Variants in SMARCA5 observed in about 807,000 individuals in gnomAD.
The protein encoded by SMARCA5 is SWI/SNF-related matrix-associated actin-dependent regulator of chromatin subfamily A member 5.
SMARCA5 carries 18 observed loss-of-function variants against 140.4 expected under a neutral mutation model. The ratio of observed to expected loss-of-function variants is 0.13; its 90% confidence interval spans 0.09 to 0.19. The LOEUF is 0.19. Ranked by LOEUF, SMARCA5 falls within the 10% of genes least tolerant of loss-of-function variation. The pLI is 1.00. For synonymous variants in SMARCA5, 449 were observed against 419.6 expected (o/e 1.07, Z -0.86); for missense variants, 606 against 1,276.8 (o/e 0.47, Z 8.01).
chr4:143,545,620 C>A, intron 18 of SMARCA5, 37 bp downstream of exon 18: 1 of 1,228,478 alleles, frequency 8.1e-7, no homozygotes, highest in Non-Finnish European at 1.2e-6. Context: ...TCATTCCTAT[C>A]CAGAAATTAT....
Position 143,536,610 on chromosome 4 carries a change from T to A in SMARCA5, c.1427T>A (p.Met476Lys), listed in dbSNP as rs751958306. Reference sequence around the variant, plus strand: ...CCTGGTCCACCTTATACAACAGATATGCATCTAGTAACCAACAGTGGCAAA... The same window carrying A: ...CCTGGTCCACCTTATACAACAGATAAGCATCTAGTAACCAACAGTGGCAAA... ...AEPGPPYTTD[M>K]HLVTNSGKMV... Residue 476 changes from methionine to lysine, a missense_variant, in exon 11 of 24, where the codon ATG becomes AAG. Coordinates refer to ENST00000283131, the MANE Select transcript of SMARCA5 (RefSeq NM_003601.4). 1.2e-6 allele frequency: 2 copies of A among 1,613,778 alleles called. No individual in the cohort carries two copies. The highest frequency in any genetic ancestry group is 1.3e-5 in the African/African-American group (1 of 74,914).
intron 9 of SMARCA5, among the ~76,000 whole-genome samples, chr4:143,532,953 G>A (rs1439858275): frequency 6.6e-6 from 1 of 152,148 alleles, no homozygotes; most frequent in African/African-American, 2.4e-5. Context: ...GCTTTTCTAC[G>A]TGGTGATGTT....
intron 10 of SMARCA5, among the ~76,000 whole-genome samples, chr4:143,535,462 A>C (rs1347780695): frequency 6.6e-6 from 1 of 152,162 alleles, no homozygotes. Context: ...AATTTTGATA[A>C]GTATTTGCAA....
chr4:143,544,246 A>G (rs879923902), intron 16 of SMARCA5: 24 of 211,514 alleles, frequency 1.1e-4, no homozygotes, highest in Middle Eastern at 1.7e-3. Context: ...TGGGATGGTA[A>G]CCTGATTCAT....
In SMARCA5 at chr4:143,513,802, G is replaced by A. The variant is rs373974403; in HGVS notation, c.-123G>A. Reference sequence around the variant, plus strand: ...TCGCGGAGGCGCGGCGCAGGGGAGCGCTCGGGTGGGAGTCTCGCTCCTCCA... The same window carrying A: ...TCGCGGAGGCGCGGCGCAGGGGAGCACTCGGGTGGGAGTCTCGCTCCTCCA... On this transcript the variant is annotated 5_prime_UTR_variant, in exon 1 of 24. Transcript: ENST00000283131. The A allele has an allele frequency of 4.2e-4, 491 of 1,168,022 alleles. 3 individuals carry two copies. Among genetic ancestry groups the A allele is most frequent in the Middle Eastern group, 3.4e-3 (12 of 3,500 alleles). The allele number at this position is 1,168,022 out of a possible 1,614,324, so 72.4% of individuals were successfully genotyped here.
chr4:143,544,619 T>C (rs936150924), intron 16 of SMARCA5, 118 bp from the exon 17 acceptor site: 13 of 621,632 alleles, frequency 2.1e-5, no homozygotes, highest in Non-Finnish European at 3.7e-5. Context: ...TCCACCCTCA[T>C]AGAGCTTATA....
At chr4:143,517,473 T>A in intron 2 of SMARCA5, 44 bp downstream of exon 2, 1 of 1,211,322 alleles carries the variant, frequency 8.3e-7, no homozygotes, top group Non-Finnish European at 1.2e-6. Context: ...GAAAACTTTT[T>A]ATCAGGTGAT....
chr4:143,521,893 C>CAAAAAAAA (rs58679947), intron 3 of SMARCA5, among the ~76,000 whole-genome samples: 6 of 44,768 alleles, frequency 1.3e-4, no homozygotes, highest in East Asian at 7.5e-4. Flanking sequence ...CCCATCTCTA[C>CAAAAAAAA]AAAAAAAAAA....
intron 18 of SMARCA5, 88 bp from the exon 19 acceptor site, chr4:143,545,837 A>G: frequency 8.3e-7 from 1 of 1,209,874 alleles, no homozygotes; most frequent in Non-Finnish European, 1.2e-6. Flanking sequence ...TTCCTGGTTG[A>G]ATTGAAACTT....
Position 143,517,365 on chromosome 4 carries a change from A to G in SMARCA5, c.188A>G (p.Asp63Gly), listed in dbSNP as rs1233383579. Residue 63 changes from aspartate to glycine, a missense_variant, in exon 2 of 24, where the codon GAT becomes GGT. By Grantham distance (94) the Asp-to-Gly change is moderately conservative. This residue lies in a region of SMARCA5 where 164 missense variants were observed against 128.4 expected (regional missense o/e 1.28). Coordinates refer to ENST00000283131, the MANE Select transcript of SMARCA5 (RefSeq NM_003601.4). ...ATTTCTTTCTACCAGGAAATATTTG[A>G]TGATGCGTCACCTGGAAAGCAAAAG... The part of the protein sequence containing the change: ...PADAEMEEIF[D>G]DASPGKQKEI... The G allele has an allele frequency of 6.2e-7, 1 of 1,605,372 alleles. No individual in the cohort carries two copies.
In SMARCA5 at chr4:143,553,881, ATATTAT is replaced by A. The variant is rs376090343; in HGVS notation, c.*708_*713del. 3 of 151,630 alleles carry A rather than the reference ATATTAT, an allele frequency of 2.0e-5. No individual in the cohort carries two copies. Among genetic ancestry groups the A allele is most frequent in the Non-Finnish European group, 4.4e-5 (3 of 67,856 alleles). The allele number at this position is 151,630 out of a possible 1,614,324, so 9.4% of individuals were successfully genotyped here. A position where few individuals can be genotyped will look rare whatever the true frequency, so the allele number is the denominator to read the frequency against. ...ATTACTGTACCATTTTGTAAAAGGA[ATATTAT>A]TATTATTATTTTTAATTATTTGGTA... is the stretch of plus-strand genomic sequence containing the variant. On this transcript the variant is annotated 3_prime_UTR_variant, in exon 24 of 24. Transcript: ENST00000283131.
chr4:143,526,039 A>T (rs1371104411), intron 5 of SMARCA5, among the ~76,000 whole-genome samples: 2 of 152,240 alleles, frequency 1.3e-5, no homozygotes, highest in Non-Finnish European at 2.9e-5. Context: ...GCTCTGCTAG[A>T]TGACTTTGGG....
chr4:143,547,629 T>C (rs778101529), intron 21 of SMARCA5, 126 bp downstream of exon 21: 31 of 624,704 alleles, frequency 5.0e-5, no homozygotes, highest in Non-Finnish European at 6.8e-5. Flanking sequence ...AGAGTAGCAT[T>C]CAAACATGGT....
At chr4:143,546,250 C>T (rs1737521846) in intron 19 of SMARCA5, among the ~76,000 whole-genome samples, 1 of 152,180 alleles carries the variant, frequency 6.6e-6, no homozygotes, top group East Asian at 1.9e-4. Context: ...TTTTATTACT[C>T]TGGCTCGGTA....
chr4:143,539,321 TTATAG>T (rs1223802738), intron 13 of SMARCA5, among the ~76,000 whole-genome samples: 1 of 152,166 alleles, frequency 6.6e-6, no homozygotes, highest in Non-Finnish European at 1.5e-5. Context: ...AATTGGTAAA[TTATAG>T]TATAGTTATA....
chr4:143,543,808 C>T (rs920570588), intron 15 of SMARCA5, 45 bp from the exon 16 acceptor site: 4 of 1,571,988 alleles, frequency 2.5e-6, no homozygotes, highest in Non-Finnish European at 3.4e-6. Context: ...AGTTTTCATG[C>T]TTTCTTTGCT....
intron 14 of SMARCA5, among the ~76,000 whole-genome samples, 190 bp from the exon 15 acceptor site, chr4:143,543,319 C>A (rs1456481676): frequency 1.3e-5 from 2 of 152,114 alleles, no homozygotes; most frequent in African/African-American, 4.8e-5. Context: ...TGTTTTGTAG[C>A]TTACCAACTG....
At position 143,538,883 on chromosome 4, in the gene SMARCA5, A is replaced by G; in HGVS notation, c.1715A>G (p.Asp572Gly). 2 of 1,614,062 alleles carry G rather than the reference A, an allele frequency of 1.2e-6. No individual in the cohort carries two copies. Among genetic ancestry groups the G allele is most frequent in the Non-Finnish European group, 8.5e-7 (1 of 1,179,956 alleles). The change falls in exon 13 of 24, where the codon GAT (aspartate) becomes GGT (glycine). Residue 572 changes from aspartate to glycine, a missense_variant. Around this residue, in one of 10 missense-constraint regions of SMARCA5, gnomAD observed 68 missense variants for 126.9 expected, o/e 0.54. Transcript: ENST00000283131. The stretch of plus-strand genomic sequence containing the variant: ...CTTGGCATCAATCTTGCGACTGCTG[A>G]TGTAGTAATTTTGTATGATTCTGAT... ...GGLGINLATADVVILYDSDWN... is the reference protein window; with the variant it reads ...GGLGINLATAGVVILYDSDWN...
At chr4:143,526,821 G>A (rs775371335) in intron 6 of SMARCA5, among the ~76,000 whole-genome samples, 3 of 151,646 alleles carry the variant, frequency 2.0e-5, no homozygotes, top group Non-Finnish European at 4.4e-5. Context: ...CCGAGATGGC[G>A]CCACTGCACT....
Sources: allele counts gnomAD v4.1 joint callset (sites outside exome capture counted in the v4.1 genomes callset), GRCh38; gene constraint gnomAD v4.1.1; regional missense constraint gnomAD v4.1.1; transcripts MANE v1.5; gene names NCBI Gene and HGNC (gene_info 2026-07-23, HGNC 2026-07-21).